NOX5: variants seen among roughly 807,000 people sequenced by gnomAD.
The protein encoded by NOX5 is NADPH oxidase, EF-hand calcium binding domain 5.
In NOX5, 76 loss-of-function variants were observed where a neutral mutation model predicts 85.7. The ratio of observed to expected loss-of-function variants is 0.89; its 90% CI spans 0.74 to 1.07. The LOEUF is 1.07. Among genes scored for constraint, NOX5 ranks in the 50% least tolerant of loss-of-function variants. The pLI is 0.00. For missense variants in NOX5, 973 were observed against 999.5 expected, an observed-to-expected ratio of 0.97 and a Z score of 0.36; for synonymous variants, 405 against 401.4, an observed-to-expected ratio of 1.01 and a Z score of -0.11.
In NOX5 at chr15:69,047,831, C is replaced by A; in HGVS notation, c.1819C>A (p.His607Asn). Residue 607 changes from histidine (H) to asparagine (N), a missense_variant and splice_region_variant, in exon 13 of 16, where the codon CAC (histidine) becomes AAC (asparagine). Coordinates refer to ENST00000388866, the MANE Select transcript of NOX5 (RefSeq NM_024505.4). ...ASILQSIMYR[H>N]QKRKHTCPSC... ...CCCCTTCCTCCTGCCTCCCCTCAGG[C>A]ACCAGAAAAGAAAGCATACTTGCCC... The A allele has an allele frequency of 6.2e-7, 1 of 1,614,116 alleles. No individual in the cohort carries two copies. The highest frequency in any genetic ancestry group is 8.5e-7 in the Non-Finnish European group (1 of 1,180,014).
chr15:69,015,026 C>G (rs1001292424), intron 1 of NOX5, among the ~76,000 whole-genome samples: 4 of 152,172 alleles, frequency 2.6e-5, no homozygotes, highest in Admixed American at 2.6e-4. Context: ...ATAGCAATAC[C>G]CAGCATTTGT....
chr15:69,036,511 CAT>C (rs761682509), intron 7 of NOX5, among the ~76,000 whole-genome samples: 23 of 152,150 alleles, frequency 1.5e-4, no homozygotes, highest in Non-Finnish European at 2.6e-4. Context: ...CAGAAATAGA[CAT>C]ATACTGAGCA....
chr15:69,049,054 A>C lies in NOX5; in HGVS notation c.1995A>C (p.Gln665His). Residue 665 changes from glutamine (Q) to histidine (H), a missense_variant, in exon 14 of 16, where the codon CAA becomes CAC. By Grantham distance (24) the Gln-to-His change is conservative. Coordinates refer to ENST00000388866, the MANE Select transcript of NOX5 (RefSeq NM_024505.4). ...AGATGGACCAGGCCGAGGAGGCTCA[A>C]TACGGTAAGAGAGGGACAGGGCCTG... ...KLEMDQAEEA[Q>H]YGRFLELHMY... is the part of the protein sequence containing the mutation. The C allele has an allele frequency of 6.2e-7, 1 of 1,610,150 alleles. No individual in the cohort carries two copies. The highest frequency in any genetic ancestry group is 8.5e-7 in the Non-Finnish European group (1 of 1,178,198).
At chr15:69,032,433 C>T (rs1388877263) in intron 4 of NOX5, among the ~76,000 whole-genome samples, 4 of 146,996 alleles carry the variant, frequency 2.7e-5, no homozygotes, top group African/African-American at 7.6e-5. Context: ...TTTTCTGAGA[C>T]GGAGTCTCAC....
At chr15:69,032,716 C>T (rs1302810454) in intron 4 of NOX5, among the ~76,000 whole-genome samples, 1 of 152,202 alleles carries the variant, frequency 6.6e-6, no homozygotes, top group African/African-American at 2.4e-5. Flanking sequence ...GGGCACCTAC[C>T]TGCCTATTAA....
At chr15:69,037,296 A>C (rs1226025267) in intron 8 of NOX5, 86 bp downstream of exon 8, 1 of 1,300,446 alleles carries the variant, frequency 7.7e-7, no homozygotes, top group Non-Finnish European at 1.1e-6. Flanking sequence ...ACCCTGTCAG[A>C]CCCCCAAGGA....
intron 2 of NOX5, among the ~76,000 whole-genome samples, chr15:69,027,850 G>A (rs1468421992): frequency 1.3e-5 from 2 of 152,140 alleles, no homozygotes; most frequent in African/African-American, 4.8e-5. Flanking sequence ...GCTGGAAGGA[G>A]CCTGCAGGAG....
chr15:69,035,994 TTCTGTG>T (rs1290391985), intron 7 of NOX5, 58 bp downstream of exon 7: 1 of 1,599,096 alleles, frequency 6.3e-7, no homozygotes, highest in African/African-American at 1.3e-5. Flanking sequence ...TTTCATTTCT[TTCTGTG>T]TCCCCTCTGA....
rs1198264380 is a variant in NOX5, at chr15:69,042,757, G to C, written c.1599G>C (p.Lys533Asn). The C allele has an allele frequency of 6.2e-7, 1 of 1,614,190 alleles. No individual in the cohort carries two copies. ...KASDPLGRGS[K>N]RLSRSVTMRK... Reference sequence around the variant, plus strand: ...CAGACCCACTGGGCCGTGGTTCTAAGAGGCTGTCGAGGAGTGTGACAATGA... The same window carrying C: ...CAGACCCACTGGGCCGTGGTTCTAACAGGCTGTCGAGGAGTGTGACAATGA... The change falls in exon 10 of 16, where the codon AAG (lysine) becomes AAC (asparagine). Residue 533 changes from lysine (K) to asparagine (N), a missense_variant. Coordinates refer to ENST00000388866, the MANE Select transcript of NOX5 (RefSeq NM_024505.4).
intron 1 of NOX5, chr15:69,022,920 G>T: frequency 2.1e-6 from 1 of 486,376 alleles, no homozygotes; most frequent in East Asian, 6.1e-5. Flanking sequence ...TGTCTAAGTA[G>T]GGACGAACAA....
At position 69,047,876 on chromosome 15, in the gene NOX5, A is replaced by G. The variant is rs2050695489; in HGVS notation, c.1864A>G (p.Ile622Val). ...TTGCCCCAGCTGCCAGCACTCCTGG[A>G]TCGAAGGTGTCCAAGACAACATGAA... ...HTCPSCQHSW[I>V]EGVQDNMKLH... Residue 622 changes from isoleucine to valine, a missense_variant, in exon 13 of 16, where the codon ATC becomes GTC. Ile to Val is a conservative substitution (Grantham distance 29). Coordinates refer to ENST00000388866, the MANE Select transcript of NOX5 (RefSeq NM_024505.4). 1 of 1,614,164 alleles carries G rather than the reference A, an allele frequency of 6.2e-7. No homozygotes were observed. The highest frequency in any genetic ancestry group is 8.5e-7 in the Non-Finnish European group (1 of 1,180,028).
chr15:69,039,426 T>G (rs2050566166), intron 9 of NOX5, among the ~76,000 whole-genome samples: 1 of 151,366 alleles, frequency 6.6e-6, no homozygotes, highest in Non-Finnish European at 1.5e-5. Flanking sequence ...GGGAGGGACA[T>G]ACAGAGAGAG....
intron 14 of NOX5, among the ~76,000 whole-genome samples, chr15:69,053,329 A>T (rs558779960): frequency 2.9e-4 from 44 of 152,328 alleles, no homozygotes; most frequent in African/African-American, 1.0e-3. Flanking sequence ...ATTAGATGAG[A>T]TGTCATCTGC....
rs773958315 is a variant in NOX5 at position 69,033,226 on chromosome 15, G to C, written c.804G>C (p.Met268Ile). The part of the protein sequence containing the change: ...SAHRDLGASV[M>I]VAKGCGQCLN... Reference sequence around the variant, plus strand: ...ACCGGGACCTCGGCGCCAGCGTCATGGTGGCCAAGGGCTGCGGCCAGTGCC... The same window carrying C: ...ACCGGGACCTCGGCGCCAGCGTCATCGTGGCCAAGGGCTGCGGCCAGTGCC... The change falls in exon 5 of 16, where the codon ATG becomes ATC. Residue 268 changes from methionine to isoleucine, a missense_variant. By Grantham distance (10) the Met-to-Ile change is conservative (BLOSUM62 1). Coordinates refer to ENST00000388866, the MANE Select transcript of NOX5 (RefSeq NM_024505.4). 3 of 1,598,140 alleles carry C rather than the reference G, an allele frequency of 1.9e-6. No homozygotes were observed. Among genetic ancestry groups the C allele is most frequent in the South Asian group, 2.2e-5 (2 of 90,420 alleles).
At position 69,037,202 on chromosome 15, in the gene NOX5, C is replaced by T. The variant is rs973932321; in HGVS notation, c.1363C>T (p.Pro455Ser). The T allele has an allele frequency of 6.2e-7, 1 of 1,613,208 alleles. No individual in the cohort carries two copies. The highest frequency in any genetic ancestry group is 8.5e-7 in the Non-Finnish European group (1 of 1,179,874). The change falls in exon 8 of 16, where the codon CCC becomes TCC. Residue 455 changes from proline to serine, a missense_variant. Transcript: ENST00000388866. ...AVCIMEVNLLPSKVTHLLIKR... is the reference protein window; with the variant it reads ...AVCIMEVNLLSSKVTHLLIKR... ...GTGCATCATGGAAGTCAACCTCCTC[C>T]CCTCCAAGGTACAAAGGTGGGGGAT...
At chr15:69,026,401 T>A in intron 1 of NOX5, 127 bp from the exon 2 acceptor site, 1 of 1,135,558 alleles carries the variant, frequency 8.8e-7, no homozygotes, top group East Asian at 2.5e-5. Flanking sequence ...CAGAACTGAT[T>A]GACCCGATTC....
chr15:69,029,756 T>G (rs528985999), intron 3 of NOX5: 1 of 152,012 alleles, frequency 6.6e-6, no homozygotes, highest in African/African-American at 2.4e-5. Flanking sequence ...CTCAGCTCAT[T>G]GCAGCCTCCA....
intron 15 of NOX5, 58 bp from the exon 16 acceptor site, chr15:69,056,507 G>A: frequency 1.3e-6 from 2 of 1,592,006 alleles, no homozygotes; most frequent in Non-Finnish European, 1.7e-6. Context: ...TGTGTCACTG[G>A]TGAGTCAGCA....
Position 69,055,384 on chromosome 15 carries a change from G to A in NOX5, c.2050G>A (p.Asp684Asn), listed in dbSNP as rs767517507. The A allele has an allele frequency of 6.2e-7, 1 of 1,614,086 alleles. No individual in the cohort carries two copies. Among genetic ancestry groups the A allele is most frequent in the East Asian group, 2.2e-5 (1 of 44,886 alleles). ...CATGACATCTGCACTGGGCAAGAATGACATGAAGGCCATTGGCCTGCAGAT... is the reference window on the plus strand; with the variant it reads ...CATGACATCTGCACTGGGCAAGAATAACATGAAGGCCATTGGCCTGCAGAT... The part of the protein sequence containing the change: ...MYMTSALGKN[D>N]MKAIGLQMAL... Residue 684 changes from aspartate (D) to asparagine (N), a missense_variant, in exon 15 of 16, where the codon GAC becomes AAC. Transcript: ENST00000388866.
Sources: allele counts gnomAD v4.1 joint callset (sites outside exome capture counted in the v4.1 genomes callset), GRCh38; gene constraint gnomAD v4.1.1; transcripts MANE v1.5; gene names NCBI Gene and HGNC (gene_info 2026-07-23, HGNC 2026-07-21).